The following CTNND2 variants were observed in gnomAD, a reference collection of about 807,000 sequenced individuals.
CTNND2 encodes catenin delta 2.
Under a neutral mutation model 144.4 loss-of-function variants are expected in CTNND2, and 22 were observed. That is an observed-to-expected ratio of 0.15 (90% CI 0.11 to 0.22). The LOEUF (loss-of-function observed/expected upper bound fraction) is 0.22, where lower values mean the gene tolerates loss of function less well. Ranked by LOEUF, CTNND2 falls within the 10% of genes least tolerant of loss-of-function variation. The pLI, the probability that CTNND2 is intolerant of heterozygous loss-of-function variation, is 1.00. For synonymous variants in CTNND2, 751 were observed against 695.6 expected (o/e 1.08, Z -1.25); for missense variants, 1,353 against 1,618.8 (o/e 0.84, Z 2.82).
intron 9 of CTNND2, among the ~76,000 whole-genome samples, chr5:11,281,277 A>T (rs1034059102): frequency 6.6e-6 from 1 of 152,190 alleles, no homozygotes; most frequent in Admixed American, 6.6e-5. Flanking sequence ...TTATTGACTA[A>T]AATGGCTTGG....
intron 3 of CTNND2, among the ~76,000 whole-genome samples, chr5:11,497,248 C>T (rs1322049798): frequency 1.3e-5 from 2 of 151,184 alleles, no homozygotes; most frequent in African/African-American, 4.9e-5. Context: ...AATACCATAC[C>T]AGGTATTTCC....
intron 1 of CTNND2, among the ~76,000 whole-genome samples, chr5:11,845,289 CTA>C (rs1479052929): frequency 6.6e-6 from 1 of 152,140 alleles, no homozygotes; most frequent in East Asian, 1.9e-4. Context: ...ACTTTAATAA[CTA>C]TTTTTAAATG....
chr5:11,893,569 A>G (rs558933681), intron 1 of CTNND2, among the ~76,000 whole-genome samples: 13 of 152,312 alleles, frequency 8.5e-5, no homozygotes, highest in African/African-American at 2.9e-4. Flanking sequence ...TCCTGCATTT[A>G]CCAGGTATTA....
intron 9 of CTNND2, among the ~76,000 whole-genome samples, chr5:11,257,754 T>C (rs771373189): frequency 1.3e-5 from 2 of 152,236 alleles, no homozygotes; most frequent in Non-Finnish European, 2.9e-5. Context: ...TGATGGTTGA[T>C]GGGCTTTCTA....
intron 3 of CTNND2, among the ~76,000 whole-genome samples, chr5:11,445,419 G>C (rs930098619): frequency 6.6e-6 from 1 of 152,132 alleles, no homozygotes; most frequent in Non-Finnish European, 1.5e-5. Context: ...TCGTTCTAGG[G>C]GACACAATTT....
At chr5:10,992,942 T>C (rs1738868408) in intron 18 of CTNND2, among the ~76,000 whole-genome samples, 1 of 152,114 alleles carries the variant, frequency 6.6e-6, no homozygotes. Flanking sequence ...CCCGCTCTGG[T>C]CAGAAGCTTC....
At chr5:11,592,317 GCCTT>G (rs554737319) in intron 2 of CTNND2, among the ~76,000 whole-genome samples, 38 of 149,708 alleles carry the variant, frequency 2.5e-4, no homozygotes, top group Admixed American at 1.5e-3. Flanking sequence ...CCTTCCTCCT[GCCTT>G]CCTTCCTTCC....
intron 13 of CTNND2, among the ~76,000 whole-genome samples, chr5:11,114,119 G>C (rs893554018): frequency 1.1e-4 from 16 of 152,188 alleles, no homozygotes; most frequent in African/African-American, 3.6e-4. Context: ...GACTCTCATT[G>C]AAAGGAAAAT....
intron 3 of CTNND2, among the ~76,000 whole-genome samples, chr5:11,483,312 G>T (rs1347255626): frequency 1.3e-5 from 2 of 152,164 alleles, no homozygotes; most frequent in African/African-American, 4.8e-5. Flanking sequence ...CAGGAAGAGT[G>T]GATTGGCGGT....
intron 8 of CTNND2, among the ~76,000 whole-genome samples, chr5:11,348,327 G>A (rs919976470): frequency 2.4e-4 from 37 of 151,670 alleles, no homozygotes; most frequent in African/African-American, 7.7e-4. Flanking sequence ...TATGCTGAAA[G>A]GGGTTTAAAA....
chr5:11,778,212 C>T (rs1359001147), intron 1 of CTNND2, among the ~76,000 whole-genome samples: 2 of 152,112 alleles, frequency 1.3e-5, no homozygotes, highest in African/African-American at 4.8e-5. Context: ...TCACTTCTTA[C>T]ATCCAATCCC....
chr5:11,704,596 G>C (rs563339583), intron 2 of CTNND2, among the ~76,000 whole-genome samples: 2 of 152,104 alleles, frequency 1.3e-5, no homozygotes, highest in South Asian at 4.2e-4. Flanking sequence ...GGTTTGGAAC[G>C]GACTGTGTTG....
intron 9 of CTNND2, among the ~76,000 whole-genome samples, chr5:11,295,680 A>G (rs978788597): frequency 2.6e-5 from 4 of 152,204 alleles, no homozygotes; most frequent in African/African-American, 9.6e-5. Context: ...ATACTGCTGC[A>G]TATCTACAAC....
intron 12 of CTNND2, among the ~76,000 whole-genome samples, chr5:11,135,944 A>T (rs116162189): frequency 0.017 from 2,530 of 152,304 alleles, 50 homozygotes; most frequent in Non-Finnish European, 0.027. Flanking sequence ...TACTGCTATC[A>T]TCTGAATATC....
At chr5:11,166,246 G>C (rs531280931) in intron 11 of CTNND2, among the ~76,000 whole-genome samples, 46 of 135,742 alleles carry the variant, frequency 3.4e-4, no homozygotes, top group African/African-American at 4.7e-4. Context: ...GGACAAAAAA[G>C]TTCTTTTTTT....
rs111714707 is a variant in CTNND2 at position 11,403,573 on chromosome 5, C to T, written c.440-6370G>A. On this transcript the variant is annotated intron_variant, in intron 5 of 21. Coordinates refer to ENST00000304623, the MANE Select transcript of CTNND2 (RefSeq NM_001332.4). ...GTAATCAGAGAAGTGTACTTTTCAT[C>T]GTTCATTCCAATTCCCAACTATACC... Among the ~76,000 whole-genome samples the T allele has an allele frequency of 4.6e-3, 700 of 152,256 alleles. 7 individuals are homozygous for T. Among genetic ancestry groups the T allele is most frequent in the African/African-American group, 0.016 (657 of 41,548 alleles).
intron 7 of CTNND2, among the ~76,000 whole-genome samples, chr5:11,372,866 G>A (rs1402898679): frequency 6.6e-6 from 1 of 152,204 alleles, no homozygotes; most frequent in Non-Finnish European, 1.5e-5. Context: ...GTCTAGCTAT[G>A]AATACATATC....
At chr5:11,082,968 G>T in intron 15 of CTNND2, 122 bp from the exon 16 acceptor site, 1 of 1,083,302 alleles carries the variant, frequency 9.2e-7, no homozygotes, top group Non-Finnish European at 1.3e-6. Flanking sequence ...CCAAGACCTA[G>T]TTGTAGAATG....
intron 2 of CTNND2, among the ~76,000 whole-genome samples, chr5:11,581,896 T>C (rs1778464832): frequency 6.6e-6 from 1 of 152,248 alleles, no homozygotes; most frequent in African/African-American, 2.4e-5. Context: ...TGTTTAAATG[T>C]ACTGTTCTCT....
Sources: gnomAD v4.1 joint callset for allele counts (sites outside exome capture counted in the v4.1 genomes callset) on GRCh38, gnomAD v4.1.1 for gene constraint, MANE v1.5 for transcripts, NCBI Gene and HGNC (gene_info 2026-07-23, HGNC 2026-07-21) for gene names.